Variants in IFT43 observed in about 807,000 individuals in gnomAD.
IFT43 encodes the protein intraflagellar transport 43, also known as intraflagellar transport protein 43 homolog.
Under a neutral mutation model 32.3 loss-of-function variants are expected in IFT43, and 33 were observed. The ratio of observed to expected loss-of-function variants is 1.02; its 90% CI spans 0.77 to 1.37. IFT43 has a LOEUF of 1.37. Among genes scored for constraint, IFT43 ranks in the 40% most tolerant of loss-of-function variants. The pLI is 0.00. For missense variants in IFT43, 274 were observed against 265.9 expected, an observed-to-expected ratio of 1.03 and a Z score of -0.21; for synonymous variants, 93 against 98.2, an observed-to-expected ratio of 0.95 and a Z score of 0.31.
At chr14:76,069,720 A>T (rs772104883) in intron 5 of IFT43, among the ~76,000 whole-genome samples, 18 of 152,246 alleles carry the variant, frequency 1.2e-4, no homozygotes, top group Non-Finnish European at 2.5e-4. Flanking sequence ...GTCCTTAAAA[A>T]GTAGAAAGTC....
chr14:76,010,730 A>G (rs2036067866), intron 2 of IFT43, among the ~76,000 whole-genome samples: 1 of 152,186 alleles, frequency 6.6e-6, no homozygotes, highest in African/African-American at 2.4e-5. Context: ...ACCTAACAGT[A>G]TGAATAATTT....
intron 2 of IFT43, among the ~76,000 whole-genome samples, chr14:75,999,230 TATATATATATATATATATATATA>T (rs2035806605): frequency 1.0e-3 from 5 of 4,928 alleles, no homozygotes; most frequent in Admixed American, 8.3e-3. Context: ...ATTCATTTTA[TATATATATATATATATATATATA>T]TATATATATA....
intron 2 of IFT43, among the ~76,000 whole-genome samples, chr14:76,007,593 G>T (rs989978471): frequency 6.6e-6 from 1 of 152,154 alleles, no homozygotes; most frequent in Admixed American, 6.5e-5. Context: ...GCCAGGAGGG[G>T]TTGCTTCTTA....
intron 3 of IFT43, among the ~76,000 whole-genome samples, chr14:76,048,228 T>C (rs922441196): frequency 6.6e-6 from 1 of 152,216 alleles, no homozygotes; most frequent in Non-Finnish European, 1.5e-5. Context: ...AGAATAAAAT[T>C]GTCTTTACTG....
intron 2 of IFT43, among the ~76,000 whole-genome samples, chr14:76,002,747 A>G (rs1364905898): frequency 1.3e-5 from 2 of 152,268 alleles, no homozygotes; most frequent in Non-Finnish European, 2.9e-5. Flanking sequence ...AAGTGTTTTC[A>G]TAATAATTTG....
At chr14:76,008,815 A>ACAGT (rs2036026591) in intron 2 of IFT43, among the ~76,000 whole-genome samples, 2 of 152,338 alleles carry the variant, frequency 1.3e-5, no homozygotes, top group South Asian at 4.2e-4. Context: ...ACAGCTTGGC[A>ACAGT]CAGTGTTCAA....
intron 2 of IFT43, among the ~76,000 whole-genome samples, chr14:76,021,173 G>C (rs1309169995): frequency 6.6e-6 from 1 of 151,976 alleles, no homozygotes; most frequent in Non-Finnish European, 1.5e-5. Flanking sequence ...CAGGCCCCTA[G>C]ATGGCATACA....
At chr14:76,079,515 G>A (rs1056657519) in intron 5 of IFT43, among the ~76,000 whole-genome samples, 8 of 152,130 alleles carry the variant, frequency 5.3e-5, no homozygotes, top group Admixed American at 3.3e-4. Context: ...TCGTGGAGCC[G>A]GGATTTGGAG....
At chr14:76,039,260 G>A (rs1354990168) in intron 3 of IFT43, among the ~76,000 whole-genome samples, 2 of 152,094 alleles carry the variant, frequency 1.3e-5, no homozygotes, top group African/African-American at 4.8e-5. Flanking sequence ...AGCCTCCTCA[G>A]TAGCTGGGAC....
intron 3 of IFT43, among the ~76,000 whole-genome samples, chr14:76,023,120 G>T (rs1286937448): frequency 6.6e-6 from 1 of 152,258 alleles, no homozygotes; most frequent in Admixed American, 6.5e-5. Context: ...TTCAGTGTGG[G>T]GCTGTAGATG....
intron 2 of IFT43, among the ~76,000 whole-genome samples, chr14:76,017,602 T>G (rs2036212982): frequency 6.6e-6 from 1 of 152,146 alleles, no homozygotes. Flanking sequence ...TCCCATTCAA[T>G]TTTTGGGAAT....
At chr14:76,071,859 A>G (rs1038002932) in intron 5 of IFT43, among the ~76,000 whole-genome samples, 52 of 152,118 alleles carry the variant, frequency 3.4e-4, no homozygotes, top group African/African-American at 1.2e-3. Context: ...CCAGCACACC[A>G]CAGCTGGGAA....
Position 76,067,867 on chromosome 14 carries a change from G to A in IFT43, c.295+8494G>A, listed in dbSNP as rs528766776. On this transcript the variant is annotated intron_variant, in intron 5 of 8. Transcript: ENST00000314067. ...ATAGCTTAAAATTTTTCGAATTCACGTTTTTAAAAATGACAGAAATAATTT... is the reference window on the plus strand; with the variant it reads ...ATAGCTTAAAATTTTTCGAATTCACATTTTTAAAAATGACAGAAATAATTT... 5.3e-5 allele frequency among the ~76,000 whole-genome samples: 8 copies of A among 152,276 alleles called. No individual in the cohort carries two copies. The South Asian group carries it at 1.0e-3, about 20-fold the overall frequency.
At chr14:76,035,062 G>A (rs2036573518) in intron 3 of IFT43, among the ~76,000 whole-genome samples, 1 of 152,138 alleles carries the variant, frequency 6.6e-6, no homozygotes, top group Non-Finnish European at 1.5e-5. Flanking sequence ...GCAAGTAATG[G>A]CCCCTCAGGG....
Position 75,985,831 on chromosome 14 carries a change from G to C in IFT43, c.45G>C (p.Leu15Phe). Residue 15 changes from leucine (L) to phenylalanine (F), a missense_variant, in exon 1 of 9, where the codon TTG becomes TTC. Leu to Phe is a conservative substitution (Grantham distance 22, BLOSUM62 0). Transcript: ENST00000314067. ...TGGACGAGGAGCTTCGCTACAGCTT[G>C]GCTACCTCCGTGAGGACCAATTCGG... The part of the protein sequence containing the change: ...LDLDEELRYS[L>F]ATSRAKMGRR... The C allele has an allele frequency of 6.2e-7, 1 of 1,614,044 alleles. No homozygotes were observed. The highest frequency in any genetic ancestry group is 8.5e-7 in the Non-Finnish European group (1 of 1,180,036).
intron 3 of IFT43, among the ~76,000 whole-genome samples, chr14:76,024,667 T>C (rs2036356563): frequency 1.3e-5 from 2 of 152,230 alleles, no homozygotes; most frequent in Non-Finnish European, 1.5e-5. Context: ...CTGAGTTTTA[T>C]GGTTCTAAAA....
intron 5 of IFT43, among the ~76,000 whole-genome samples, chr14:76,081,083 G>A (rs2037502177): frequency 6.6e-6 from 1 of 152,110 alleles, no homozygotes; most frequent in Admixed American, 6.5e-5. Flanking sequence ...CAACATCTGT[G>A]CCTCCACAGT....
intron 1 of IFT43, chr14:75,986,345 A>C (rs1015391337): frequency 1.7e-6 from 2 of 1,172,612 alleles, no homozygotes; most frequent in Non-Finnish European, 2.2e-6. Context: ...AACCTCAGTT[A>C]CCTCAGTAGT....
At chr14:76,081,547 G>T (rs1566739781) in intron 5 of IFT43, among the ~76,000 whole-genome samples, 1 of 152,198 alleles carries the variant, frequency 6.6e-6, no homozygotes, top group Non-Finnish European at 1.5e-5. Flanking sequence ...CACAATTAAG[G>T]GATGGACTGG....
Sources: gnomAD v4.1 joint callset for allele counts (sites outside exome capture counted in the v4.1 genomes callset) on GRCh38, gnomAD v4.1.1 for gene constraint, MANE v1.5 for transcripts, NCBI Gene and HGNC (gene_info 2026-07-23, HGNC 2026-07-21) for gene names.